The following GRAMD2B variants were observed in gnomAD, a reference collection of about 807,000 sequenced individuals.
GRAMD2B encodes GRAM domain-containing protein 2B.
A neutral mutation model predicts 59.2 loss-of-function variants in GRAMD2B; 41 were observed. The ratio of observed to expected loss-of-function variants is 0.69; its 90% CI spans 0.54 to 0.90. The LOEUF (loss-of-function observed/expected upper bound fraction) is 0.90, where lower values mean the gene tolerates loss of function less well. Among genes scored for constraint, GRAMD2B ranks in the 40% least tolerant of loss-of-function variants. GRAMD2B has a pLI of 0.00. For synonymous variants in GRAMD2B, 161 were observed against 182.7 expected (o/e 0.88, Z 0.96); for missense variants, 424 against 500.5 (o/e 0.85, Z 1.46).
intron 1 of GRAMD2B, among the ~76,000 whole-genome samples, chr5:126,386,551 T>C (rs1261544884): frequency 6.6e-6 from 1 of 152,162 alleles, no homozygotes; most frequent in Non-Finnish European, 1.5e-5. Flanking sequence ...AGGCTGAGAA[T>C]ACCAAGAAGG....
chr5:126,381,129 A>G (rs1755620753), intron 1 of GRAMD2B, among the ~76,000 whole-genome samples: 1 of 152,110 alleles, frequency 6.6e-6, no homozygotes, highest in Non-Finnish European at 1.5e-5. Flanking sequence ...GATTTTGTCA[A>G]ATGCTTTTTC....
intron 1 of GRAMD2B, 71 bp downstream of exon 1, chr5:126,423,760 C>T: frequency 6.8e-7 from 1 of 1,476,502 alleles, no homozygotes; most frequent in East Asian, 2.5e-5. Context: ...TGCCCCGGGA[C>T]GCATTTTGGG....
At chr5:126,491,812 C>G (rs1301132034) in intron 13 of GRAMD2B, among the ~76,000 whole-genome samples, 1 of 152,032 alleles carries the variant, frequency 6.6e-6, no homozygotes, top group Non-Finnish European at 1.5e-5. Flanking sequence ...TGGCTCACTG[C>G]AACCCCCACC....
At chr5:126,423,317 C>T, upstream of GRAMD2B, 1 of 1,268,298 alleles carries the variant, frequency 7.9e-7, no homozygotes, top group South Asian at 2.3e-5. Context: ...TCCTTTTTCT[C>T]TTCTCTGCCT....
At chr5:126,481,203 A>AAAAAGAAAG (rs1554091187) in intron 8 of GRAMD2B, among the ~76,000 whole-genome samples, 3 of 80,110 alleles carry the variant, frequency 3.7e-5, no homozygotes, top group African/African-American at 1.8e-4. Flanking sequence ...AAAAAAAAAA[A>AAAAAGAAAG]AAAGAAAGAA....
Position 126,477,761 on chromosome 5 carries a change from C to T in GRAMD2B, c.556C>T (p.Leu186=), listed in dbSNP as rs1266760833. 1 of 1,610,604 alleles carries T rather than the reference C, an allele frequency of 6.2e-7. No individual in the cohort carries two copies. Among genetic ancestry groups the T allele is most frequent in the Admixed American group, 1.7e-5 (1 of 60,028 alleles). ...AACTGCTCTTCTAGTGCCAAACGCC[C>T]TGATCATAGCAACAGTCACAGACAG... ...TKTALLVPNA[L]IIATVTDRYI... is the part of the protein sequence containing the mutation. The change falls in exon 6 of 14, where the codon CTG becomes TTG. Residue 186 remains leucine, a synonymous_variant. Coordinates refer to ENST00000285689, the MANE Select transcript of GRAMD2B (RefSeq NM_023927.4).
rs148469249 is a variant in GRAMD2B at position 126,444,497 on chromosome 5, GTA to G, written c.83+20812_83+20813del. On this transcript the variant is annotated intron_variant, in intron 1 of 13. Coordinates refer to ENST00000285689, the MANE Select transcript of GRAMD2B (RefSeq NM_023927.4). Reference sequence around the variant, plus strand: ...GATAAGGGGACAGGTGCCCTTTGAAGTATATGTTTATGATTGATCAATTCAGA... The same window carrying G: ...GATAAGGGGACAGGTGCCCTTTGAAGTATGTTTATGATTGATCAATTCAGA... 1.6e-4 allele frequency among the ~76,000 whole-genome samples: 25 copies of G among 152,300 alleles called. No homozygotes were observed. The East Asian group carries it at 4.6e-3, about 28-fold the overall frequency.
chr5:126,360,673 T>C (rs772417113), intron 1 of GRAMD2B, among the ~76,000 whole-genome samples: 19 of 152,176 alleles, frequency 1.2e-4, no homozygotes, highest in Non-Finnish European at 2.4e-4. Context: ...AAACCCCTGA[T>C]ACAAGTACAT....
intron 1 of GRAMD2B, among the ~76,000 whole-genome samples, chr5:126,452,885 A>G (rs1765618259): frequency 6.6e-6 from 1 of 152,114 alleles, no homozygotes; most frequent in Admixed American, 6.5e-5. Context: ...GTTTTTCTGG[A>G]CTTTATGCCC....
intron 1 of GRAMD2B, chr5:126,458,843 C>T (rs940913306): frequency 4.6e-5 from 7 of 152,180 alleles, no homozygotes; most frequent in Non-Finnish European, 7.3e-5. Flanking sequence ...TCCTGTAGCA[C>T]CTCACTGGAC....
chr5:126,406,775 G>A (rs967140030), intron 1 of GRAMD2B, among the ~76,000 whole-genome samples: 2 of 151,966 alleles, frequency 1.3e-5, no homozygotes, highest in African/African-American at 4.8e-5. Flanking sequence ...TTTTACTGTG[G>A]AAGAGTCAGA....
chr5:126,365,658 TAGG>T (rs1185874139), intron 1 of GRAMD2B, among the ~76,000 whole-genome samples: 1 of 151,920 alleles, frequency 6.6e-6, no homozygotes, highest in Admixed American at 6.6e-5. Flanking sequence ...TCAGCTGTGG[TAGG>T]AGTATTTACG....
At chr5:126,433,200 T>C (rs1198631933) in intron 1 of GRAMD2B, among the ~76,000 whole-genome samples, 2 of 152,212 alleles carry the variant, frequency 1.3e-5, no homozygotes, top group Non-Finnish European at 2.9e-5. Context: ...TAGACACTAT[T>C]CAAAGCGCTT....
At chr5:126,367,432 T>TGGAGGAGGAGGAGGAGGAGGA (rs70994862), upstream of GRAMD2B, among the ~76,000 whole-genome samples, 6 of 140,764 alleles carry the variant, frequency 4.3e-5, no homozygotes, top group South Asian at 6.9e-4. Flanking sequence ...CTGTAAAAAC[T>TGGAGGAGGAGGAGGAGGAGGA]GGAGGAGGAG....
At chr5:126,421,846 T>C (rs1759753671), upstream of GRAMD2B, among the ~76,000 whole-genome samples, 1 of 152,238 alleles carries the variant, frequency 6.6e-6, no homozygotes, top group African/African-American at 2.4e-5. Flanking sequence ...GTACATACTA[T>C]GGTTGTATAG....
intron 1 of GRAMD2B, among the ~76,000 whole-genome samples, chr5:126,389,798 A>C (rs568861260): frequency 5.9e-4 from 90 of 152,182 alleles, no homozygotes; most frequent in African/African-American, 2.1e-3. Context: ...AAATACAAAA[A>C]TTAGCTGGAT....
intron 1 of GRAMD2B, among the ~76,000 whole-genome samples, chr5:126,435,939 C>T (rs1255661085): frequency 6.6e-6 from 1 of 152,162 alleles, no homozygotes; most frequent in East Asian, 1.9e-4. Flanking sequence ...CACATTGCAT[C>T]AGACAACCCT....
chr5:126,479,839 T>C (rs1048923079), intron 6 of GRAMD2B, among the ~76,000 whole-genome samples: 2 of 152,254 alleles, frequency 1.3e-5, no homozygotes, highest in African/African-American at 4.8e-5. Flanking sequence ...ATATTGTTTA[T>C]GGTAAAATCA....
At chr5:126,420,054 C>CAAAAAAAAAAAAAAAAAAAAA (rs386404926), upstream of GRAMD2B, among the ~76,000 whole-genome samples, 3 of 103,690 alleles carry the variant, frequency 2.9e-5, no homozygotes, top group Non-Finnish European at 3.7e-5. Context: ...GACTCTTTCT[C>CAAAAAAAAAAAAAAAAAAAAA]AAAAAAAAAA....
Sources: gnomAD v4.1 joint callset for allele counts (sites outside exome capture counted in the v4.1 genomes callset) on GRCh38, gnomAD v4.1.1 for gene constraint, MANE v1.5 for transcripts, NCBI Gene and HGNC (gene_info 2026-07-23, HGNC 2026-07-21) for gene names.